BMP8A: variants seen among roughly 807,000 people sequenced by gnomAD.
The protein encoded by BMP8A is BMP-8A.
In BMP8A, 14 loss-of-function variants were observed where a neutral mutation model predicts 36.8. That is an observed-to-expected ratio of 0.38 (90% CI 0.25 to 0.60). The LOEUF is 0.60. BMP8A is among the 20% of genes least tolerant of loss of function. BMP8A has a pLI of 0.63. For synonymous variants in BMP8A, 120 were observed against 237.7 expected (o/e 0.50, Z 4.55); for missense variants, 267 against 551.1 (o/e 0.48, Z 5.16).
chr1:39,506,838 T>C (rs149426567), intron 1 of BMP8A, among the ~76,000 whole-genome samples: 4 of 152,230 alleles, frequency 2.6e-5, no homozygotes, highest in African/African-American at 7.2e-5. Flanking sequence ...CTTGCTTACC[T>C]CAGTGTCTCC....
chr1:39,523,808 TA>T (rs1206595019), intron 6 of BMP8A: 1 of 904,910 alleles, frequency 1.1e-6, no homozygotes, highest in Non-Finnish European at 1.5e-6. Flanking sequence ...AGTTTTTACC[TA>T]GAATCCCAGT....
chr1:39,501,285 C>G (rs915379638), intron 1 of BMP8A, among the ~76,000 whole-genome samples: 3 of 152,240 alleles, frequency 2.0e-5, no homozygotes, highest in African/African-American at 7.2e-5. Context: ...TTGGGGATCA[C>G]ATTTCAACCT....
chr1:39,493,638 C>T (rs985109754), intron 1 of BMP8A, among the ~76,000 whole-genome samples: 7 of 152,228 alleles, frequency 4.6e-5, no homozygotes, highest in African/African-American at 1.7e-4. Flanking sequence ...GTGGTGGAGG[C>T]GAGCAGCAGA....
At chr1:39,498,464 T>C (rs1645225011) in intron 1 of BMP8A, among the ~76,000 whole-genome samples, 1 of 152,224 alleles carries the variant, frequency 6.6e-6, no homozygotes, top group African/African-American at 2.4e-5. Context: ...GGTGTTCTCT[T>C]TTAATTTGGG....
Position 39,526,416 on chromosome 1 carries a change from G to A in BMP8A, c.*618G>A, listed in dbSNP as rs1382440164. On this transcript the variant is annotated 3_prime_UTR_variant, in exon 7 of 7. Coordinates refer to ENST00000331593, the MANE Select transcript of BMP8A (RefSeq NM_181809.4). ...TGCAGTGGTGCAATCCTGGCTCACTGCAACCTCTGCCTCCCAGGTTCAAGC... is the reference window on the plus strand; with the variant it reads ...TGCAGTGGTGCAATCCTGGCTCACTACAACCTCTGCCTCCCAGGTTCAAGC... 6.6e-6 allele frequency among the ~76,000 whole-genome samples: 1 copy of A among 150,420 alleles called. No individual in the cohort carries two copies. Among genetic ancestry groups the A allele is most frequent in the African/African-American group, 2.5e-5 (1 of 40,752 alleles).
rs140684921 is a variant in BMP8A, at chr1:39,517,117, C to T, written c.674-4259C>T. Among the ~76,000 whole-genome samples the T allele has an allele frequency of 7.6e-3, 1,158 of 152,124 alleles. 16 individuals are homozygous for T. The highest frequency in any genetic ancestry group is 0.026 in the African/African-American group (1,061 of 41,432). On this transcript the variant is annotated intron_variant, in intron 3 of 6. Transcript: ENST00000331593. ...AATCCTAACTCAGCCTCCTGAGTAG[C>T]TGGGACTACAGGCGCACATCACAAT... is the stretch of plus-strand genomic sequence containing the variant.
intron 1 of BMP8A, among the ~76,000 whole-genome samples, chr1:39,497,303 C>T (rs1645213821): frequency 6.6e-6 from 1 of 152,194 alleles, no homozygotes; most frequent in Admixed American, 6.5e-5. Context: ...TTTAAAGTCC[C>T]TGAAACTCAG....
At chr1:39,509,132 A>G (rs1645328356) in intron 1 of BMP8A, among the ~76,000 whole-genome samples, 1 of 152,154 alleles carries the variant, frequency 6.6e-6, no homozygotes, top group African/African-American at 2.4e-5. Context: ...GAGCCCCAGG[A>G]CCCACCCAGC....
In BMP8A at chr1:39,523,096, C is replaced by A; in HGVS notation, c.1038C>A (p.Asn346Lys). The change falls in exon 6 of 7, where the codon AAC (asparagine) becomes AAA (lysine). Residue 346 changes from asparagine (N) to lysine (K), a missense_variant. Physicochemically the swap from Asn to Lys is moderately conservative, Grantham distance 94. This residue lies in a region of BMP8A where 132 missense variants were observed against 151.3 expected (regional missense o/e 0.87). Transcript: ENST00000331593. ...FPLDSCMNAT[N>K]HAILQSLVHL... ...TGGACTCCTGCATGAACGCCACCAACCACGCCATCCTGCAGTCCCTGGTCA... is the reference window on the plus strand; with the variant it reads ...TGGACTCCTGCATGAACGCCACCAAACACGCCATCCTGCAGTCCCTGGTCA... The A allele has an allele frequency of 6.2e-7, 1 of 1,614,014 alleles. No homozygotes were observed. Among genetic ancestry groups the A allele is most frequent in the Non-Finnish European group, 8.5e-7 (1 of 1,179,960 alleles).
intron 3 of BMP8A, among the ~76,000 whole-genome samples, chr1:39,512,671 C>T (rs1645365874): frequency 1.4e-5 from 2 of 145,046 alleles, no homozygotes; most frequent in South Asian, 4.6e-4. Context: ...TGACGCGCAG[C>T]GCCTCAGCCA....
At chr1:39,514,880 C>A (rs949258659) in intron 3 of BMP8A, 2 of 1,379,844 alleles carry the variant, frequency 1.4e-6, no homozygotes, top group Non-Finnish European at 1.9e-6. Flanking sequence ...CGGGCGCCCG[C>A]CCTGCTCTGT....
Position 39,527,089 on chromosome 1 carries a change from A to T in BMP8A, c.*1291A>T, listed in dbSNP as rs1440598996. 6.6e-6 allele frequency among the ~76,000 whole-genome samples: 1 copy of T among 152,156 alleles called. No individual in the cohort carries two copies. The highest frequency in any genetic ancestry group is 1.5e-5 in the Non-Finnish European group (1 of 68,018). On this transcript the variant is annotated 3_prime_UTR_variant, in exon 7 of 7. Transcript: ENST00000331593. ...GCATGGGGCAAGGGTGGGGACTGCC[A>T]GTGTTTGCTTGTGTCTAGGAGTTAT...
In BMP8A at chr1:39,523,078, C is replaced by T; in HGVS notation, c.1020C>T (p.Ser340=). ...CEGECSFPLD[S]CMNATNHAIL... The stretch of plus-strand genomic sequence containing the variant: ...GGGAGTGCTCCTTCCCGCTGGACTC[C>T]TGCATGAACGCCACCAACCACGCCA... The change falls in exon 6 of 7, where the codon TCC becomes TCT. Residue 340 remains serine (S), a synonymous_variant. Coordinates refer to ENST00000331593, the MANE Select transcript of BMP8A (RefSeq NM_181809.4). 2 of 1,614,020 alleles carry T rather than the reference C, an allele frequency of 1.2e-6. No individual in the cohort carries two copies. Among genetic ancestry groups the T allele is most frequent in the Non-Finnish European group, 1.7e-6 (2 of 1,179,960 alleles).
chr1:39,496,584 C>T (rs542992789), intron 1 of BMP8A, among the ~76,000 whole-genome samples: 401 of 152,268 alleles, frequency 2.6e-3, no homozygotes, highest in African/African-American at 9.1e-3. Context: ...GCGATGCCCA[C>T]GTGCCCAGAA....
intron 1 of BMP8A, among the ~76,000 whole-genome samples, chr1:39,498,696 G>A (rs1645227196): frequency 6.6e-6 from 1 of 152,114 alleles, no homozygotes; most frequent in East Asian, 1.9e-4. Flanking sequence ...TGCAGAGGCT[G>A]TGGGGCCCAA....
At chr1:39,494,225 C>A (rs1645185590) in intron 1 of BMP8A, among the ~76,000 whole-genome samples, 1 of 152,172 alleles carries the variant, frequency 6.6e-6, no homozygotes, top group African/African-American at 2.4e-5. Context: ...ACACGTGAAA[C>A]CCAGAAATGA....
chr1:39,493,605 C>T (rs1645180185), intron 1 of BMP8A, among the ~76,000 whole-genome samples: 1 of 152,262 alleles, frequency 6.6e-6, no homozygotes, highest in African/African-American at 2.4e-5. Context: ...GGCCAAGCCT[C>T]TGCTTCCCGC....
At chr1:39,492,369 T>C (rs1370347742) in intron 1 of BMP8A, 44 bp downstream of exon 1, 10 of 1,477,358 alleles carry the variant, frequency 6.8e-6, no homozygotes, top group Non-Finnish European at 8.9e-6. Context: ...GTAAGCTGGC[T>C]GCAGGGGAGG....
Position 39,528,068 on chromosome 1 carries a change from C to T in BMP8A, c.*2270C>T, listed in dbSNP as rs570134258. On this transcript the variant is annotated 3_prime_UTR_variant, in exon 7 of 7. Transcript: ENST00000331593. ...GTCTCTTCAGTGCCCAGTGTGTAAC[C>T]TGGCATGGTTTGGGTGTGCTAGGAG... Among the ~76,000 whole-genome samples the T allele has an allele frequency of 6.6e-6, 1 of 152,342 alleles. No homozygotes were observed. The highest frequency in any genetic ancestry group is 2.1e-4 in the South Asian group (1 of 4,828).
Sources: allele counts gnomAD v4.1 joint callset (sites outside exome capture counted in the v4.1 genomes callset), GRCh38; gene constraint gnomAD v4.1.1; regional missense constraint gnomAD v4.1.1; transcripts MANE v1.5; gene names NCBI Gene and HGNC (gene_info 2026-07-23, HGNC 2026-07-21).